PLCXD2: variants seen among roughly 807,000 people sequenced by gnomAD.
PLCXD2 encodes phosphatidylinositol specific phospholipase C X domain containing 2, also known as PI-PLC X domain-containing protein 2.
In PLCXD2, 21 loss-of-function variants were observed where a neutral mutation model predicts 28.6. The ratio of observed to expected loss-of-function variants is 0.73; its 90% CI spans 0.52 to 1.06. The LOEUF (loss-of-function observed/expected upper bound fraction) is 1.06, where lower values mean the gene tolerates loss of function less well. Ranked by LOEUF, PLCXD2 falls within the 50% of genes least tolerant of loss-of-function variation. PLCXD2 has a pLI of 0.00. For missense variants in PLCXD2, 369 were observed against 376.7 expected (o/e 0.98, Z 0.17); for synonymous variants, 140 against 150.1 (o/e 0.93, Z 0.49).
intron 3 of PLCXD2, among the ~76,000 whole-genome samples, chr3:111,717,013 T>G (rs1175626055): frequency 6.6e-6 from 1 of 152,186 alleles, no homozygotes. Flanking sequence ...GATGACACTT[T>G]GATCTTGGAT....
At chr3:111,699,982 C>G (rs923544913) in intron 1 of PLCXD2, among the ~76,000 whole-genome samples, 12 of 152,126 alleles carry the variant, frequency 7.9e-5, no homozygotes, top group South Asian at 2.1e-4. Flanking sequence ...CAGAGAAGAC[C>G]ATGCCCAGAA....
At chr3:111,693,353 G>T (rs1175241272) in intron 1 of PLCXD2, among the ~76,000 whole-genome samples, 1 of 152,172 alleles carries the variant, frequency 6.6e-6, no homozygotes, top group Non-Finnish European at 1.5e-5. Context: ...AGCAGAGTCG[G>T]AACCTCTGAG....
At position 111,708,028 on chromosome 3, in the gene PLCXD2, AG is replaced by A. The variant is rs777301432; in HGVS notation, c.267del (p.Lys89AsnfsTer2). The A allele has an allele frequency of 6.2e-7, 1 of 1,614,206 alleles. No homozygotes were observed. Among genetic ancestry groups the A allele is most frequent in the Non-Finnish European group, 8.5e-7 (1 of 1,180,036 alleles). The stretch of plus-strand genomic sequence containing the variant: ...CTCGCCAGGATCTCCTTGGTGAAGA[AG>A]CTAATGAAGAAGTGGTCTGTGACTC... On this transcript the variant is annotated frameshift_variant, in exon 2 of 5. Coordinates refer to ENST00000477665, the MANE Select transcript of PLCXD2 (RefSeq NM_001185106.1). LOFTEE classifies it high-confidence loss of function.
chr3:111,675,772 CACAA>C (rs140665459), intron 1 of PLCXD2, among the ~76,000 whole-genome samples: 2,074 of 152,222 alleles, frequency 0.014, 48 homozygotes, highest in African/African-American at 0.047. Context: ...AATTAAAAGT[CACAA>C]ACAATTTAGA....
intron 1 of PLCXD2, among the ~76,000 whole-genome samples, chr3:111,688,659 A>T (rs895153391): frequency 6.6e-6 from 1 of 152,228 alleles, no homozygotes; most frequent in African/African-American, 2.4e-5. Flanking sequence ...GTAAATAAAG[A>T]TACTTTGATC....
chr3:111,709,253 C>T (rs1048881752), intron 2 of PLCXD2, among the ~76,000 whole-genome samples: 6 of 152,106 alleles, frequency 3.9e-5, no homozygotes, highest in Non-Finnish European at 8.8e-5. Context: ...ATTTATTAAA[C>T]ACCAGGTACA....
chr3:111,697,091 T>A (rs1940971400), intron 1 of PLCXD2, among the ~76,000 whole-genome samples: 1 of 152,268 alleles, frequency 6.6e-6, no homozygotes, highest in East Asian at 1.9e-4. Flanking sequence ...CTGTAGATAT[T>A]CCATCCAAAC....
At chr3:111,677,321 C>T (rs1940638892) in intron 1 of PLCXD2, 1 of 152,180 alleles carries the variant, frequency 6.6e-6, no homozygotes, top group South Asian at 2.1e-4. Flanking sequence ...TCTCTTTCCT[C>T]TACCTCGAGC....
chr3:111,684,377 G>A (rs565200760), intron 1 of PLCXD2, among the ~76,000 whole-genome samples: 240 of 151,666 alleles, frequency 1.6e-3, no homozygotes, highest in African/African-American at 5.3e-3. Context: ...CTTCAGGCTG[G>A]GCACAGTGGC....
intron 1 of PLCXD2, among the ~76,000 whole-genome samples, chr3:111,695,836 A>G (rs1940953331): frequency 6.6e-6 from 1 of 152,222 alleles, no homozygotes. Context: ...GCTCCTCAGA[A>G]TGGGGCACAA....
In PLCXD2 at chr3:111,708,186, G is replaced by A. The variant is rs914687559; in HGVS notation, c.424G>A (p.Gly142Arg). The A allele has an allele frequency of 1.9e-6, 3 of 1,614,076 alleles. No homozygotes were observed. Among genetic ancestry groups the A allele is most frequent in the Middle Eastern group, 1.6e-4 (1 of 6,084 alleles). ...GCTTTTTGGCATCAAGGTCTGGGAT[G>A]GGCTGATGGAAATTGACTCGTTTCT... The change falls in exon 2 of 5, where the codon GGG becomes AGG. Residue 142 changes from glycine to arginine, a missense_variant. Coordinates refer to ENST00000477665, the MANE Select transcript of PLCXD2 (RefSeq NM_001185106.1).
Position 111,708,206 on chromosome 3 carries a change from G to T in PLCXD2, c.444G>T (p.Ser148=). The T allele has an allele frequency of 1.2e-6, 2 of 1,614,096 alleles. No homozygotes were observed. The highest frequency in any genetic ancestry group is 3.3e-4 in the Middle Eastern group (2 of 6,062). Reference sequence around the variant, plus strand: ...GGGATGGGCTGATGGAAATTGACTCGTTTCTTACACAGCACCCCCAGGAGA... The same window carrying T: ...GGGATGGGCTGATGGAAATTGACTCTTTTCTTACACAGCACCCCCAGGAGA... The change falls in exon 2 of 5, where the codon TCG becomes TCT. Residue 148 remains serine, a synonymous_variant. Coordinates refer to ENST00000477665, the MANE Select transcript of PLCXD2 (RefSeq NM_001185106.1).
chr3:111,681,386 TCTC>T (rs1408513807), intron 1 of PLCXD2, among the ~76,000 whole-genome samples: 1 of 152,236 alleles, frequency 6.6e-6, no homozygotes, highest in Non-Finnish European at 1.5e-5. Context: ...TTTTTTCTGC[TCTC>T]CTCATTTCCT....
intron 3 of PLCXD2, chr3:111,725,472 T>C (rs1469142453): frequency 2.5e-6 from 1 of 395,840 alleles, no homozygotes; most frequent in Non-Finnish European, 4.4e-6. Flanking sequence ...AAACAGCTCA[T>C]TACTACCCCA....
At chr3:111,725,389 G>T (rs1941402016) in intron 3 of PLCXD2, 2 of 354,394 alleles carry the variant, frequency 5.6e-6, no homozygotes, top group East Asian at 8.0e-5. Context: ...CATTGCCTTG[G>T]GACACACAGA....
chr3:111,694,872 C>T (rs1274854387), intron 1 of PLCXD2, among the ~76,000 whole-genome samples: 5 of 152,164 alleles, frequency 3.3e-5, no homozygotes, highest in Admixed American at 3.3e-4. Flanking sequence ...CTAAATGGCT[C>T]TTCTTCCAGA....
intron 2 of PLCXD2, among the ~76,000 whole-genome samples, chr3:111,708,665 T>C (rs1006483715): frequency 1.3e-5 from 2 of 152,004 alleles, no homozygotes; most frequent in Admixed American, 6.6e-5. Context: ...AGTTGTAAAA[T>C]TGGGCCAATA....
chr3:111,683,978 CT>C (rs1482174043), intron 1 of PLCXD2, among the ~76,000 whole-genome samples: 1 of 152,024 alleles, frequency 6.6e-6, no homozygotes, highest in Non-Finnish European at 1.5e-5. Flanking sequence ...TATGGTTGTA[CT>C]GTGGGTTGCA....
At chr3:111,714,197 A>G in intron 3 of PLCXD2, 69 bp downstream of exon 3, 1 of 1,512,390 alleles carries the variant, frequency 6.6e-7, no homozygotes. Context: ...TATTCTGAGT[A>G]AATCGCAGTA....
Sources: gnomAD v4.1 joint callset for allele counts (sites outside exome capture counted in the v4.1 genomes callset) on GRCh38, gnomAD v4.1.1 for gene constraint, MANE v1.5 for transcripts, NCBI Gene and HGNC (gene_info 2026-07-23, HGNC 2026-07-21) for gene names.